The following FAM219A variants were observed in gnomAD, a reference collection of about 807,000 sequenced individuals.
FAM219A encodes family with sequence similarity 219 member A.
A neutral mutation model predicts 23.4 loss-of-function variants in FAM219A; 7 were observed. The observed-to-expected ratio is 0.30, with a 90% CI of 0.17 to 0.56. The LOEUF (loss-of-function observed/expected upper bound fraction) is 0.56, where lower values mean the gene tolerates loss of function less well. FAM219A is among the 20% of genes least tolerant of loss of function. FAM219A has a pLI of 0.92. For synonymous variants in FAM219A, 93 were observed against 99.0 expected (o/e 0.94, Z 0.36); for missense variants, 166 against 246.9 (o/e 0.67, Z 2.20).
intron 1 of FAM219A, among the ~76,000 whole-genome samples, chr9:34,428,694 G>T (rs1485445880): frequency 6.6e-6 from 1 of 152,240 alleles, no homozygotes; most frequent in East Asian, 1.9e-4. Flanking sequence ...GGGCACCTTT[G>T]CCCCTGAGAG....
Position 34,405,982 on chromosome 9 carries a change from TAAG to T in FAM219A, c.61-21_61-19del, listed in dbSNP as rs752391480. On this transcript the variant is annotated intron_variant, in intron 1 of 5. Coordinates refer to ENST00000651358, the MANE Select transcript of FAM219A (RefSeq NM_001184940.2). ...GCTGGGTCCTGTGGGGAGAAAGCAG[TAAG>T]ACAGAGAGTTGTTAGGGAGTGAAGA... 5.2e-5 allele frequency: 83 copies of T among 1,599,448 alleles called. 1 individual carries two copies. Among genetic ancestry groups the T allele is most frequent in the Non-Finnish European group, 5.8e-5 (68 of 1,171,590 alleles).
chr9:34,402,083 G>T (rs1821462205), intron 4 of FAM219A, among the ~76,000 whole-genome samples: 1 of 151,916 alleles, frequency 6.6e-6, no homozygotes, highest in Non-Finnish European at 1.5e-5. Context: ...AGGGGATGGG[G>T]CATTAAGCAT....
At position 34,417,707 on chromosome 9, in the gene FAM219A, T is replaced by C. The variant is rs1235829815; in HGVS notation, c.61-11743A>G. On this transcript the variant is annotated intron_variant, in intron 1 of 5. Coordinates refer to ENST00000651358, the MANE Select transcript of FAM219A (RefSeq NM_001184940.2). This position sits in a 1 kb window ranked among gnomAD's most constrained non-coding sequence, Gnocchi z 4.1. ...TCACTGTGTGCCAGGGAATTTCAGGTCATCACATTTACCCATTATCTTCCA... is the reference window on the plus strand; with the variant it reads ...TCACTGTGTGCCAGGGAATTTCAGGCCATCACATTTACCCATTATCTTCCA... Among the ~76,000 whole-genome samples the C allele has an allele frequency of 6.6e-6, 1 of 152,238 alleles. No individual in the cohort carries two copies. Among genetic ancestry groups the C allele is most frequent in the Non-Finnish European group, 1.5e-5 (1 of 68,036 alleles).
chr9:34,441,349 A>G (rs1823166211), intron 1 of FAM219A, among the ~76,000 whole-genome samples: 1 of 152,244 alleles, frequency 6.6e-6, no homozygotes, highest in Non-Finnish European at 1.5e-5. Context: ...AGTCCTAGGA[A>G]GATTCAGAGA....
chr9:34,427,404 T>G (rs1564008786), intron 1 of FAM219A, among the ~76,000 whole-genome samples: 1 of 152,176 alleles, frequency 6.6e-6, no homozygotes, highest in Non-Finnish European at 1.5e-5. Flanking sequence ...ACACATCACC[T>G]CTTAAAAGAA....
Position 34,405,863 on chromosome 9 carries a change from A to G in FAM219A, c.160+2T>C, listed in dbSNP as rs777384018. 2 of 1,613,498 alleles carry G rather than the reference A, an allele frequency of 1.2e-6. No individual in the cohort carries two copies. The highest frequency in any genetic ancestry group is 1.7e-6 in the Non-Finnish European group (2 of 1,179,664). ...TCTCCCTCACCCCCCAGACACACTC[A>G]CCCAGCTTCACTTGGAGCGGGGATG... On this transcript the variant is annotated splice_donor_variant, in intron 2 of 5. Transcript: ENST00000651358. LOFTEE classifies it high-confidence loss of function.
intron 1 of FAM219A, among the ~76,000 whole-genome samples, chr9:34,451,821 C>T (rs908161330): frequency 1.4e-4 from 21 of 152,194 alleles, no homozygotes; most frequent in African/African-American, 2.4e-4. Context: ...CTGGAAGAAA[C>T]GGTTGGGCTC....
intron 1 of FAM219A, among the ~76,000 whole-genome samples, chr9:34,433,709 T>C (rs1822794605): frequency 6.6e-6 from 1 of 152,206 alleles, no homozygotes; most frequent in Admixed American, 6.5e-5. Flanking sequence ...GTCAGCCCTC[T>C]ATGCAGATGA....
chr9:34,402,261 C>T (rs1307048789), intron 4 of FAM219A, 126 bp downstream of exon 4: 23 of 1,613,498 alleles, frequency 1.4e-5, no homozygotes, highest in Admixed American at 1.0e-4. Flanking sequence ...GAGAATTCAC[C>T]CTTGGAGAGA....
chr9:34,458,349 C>A lies in FAM219A; in HGVS notation c.-86G>T. ...CGGGGCGGCGGCCCCAGGAGCCCGG[C>A]GGGTGGTGCAGACTAGGCCTCCCCG... On this transcript the variant is annotated 5_prime_UTR_variant, in exon 1 of 6. Transcript: ENST00000651358. The surrounding 1 kb of genome is among the most constrained non-coding windows in gnomAD (Gnocchi z 6.6). 1 of 1,057,574 alleles carries A rather than the reference C, an allele frequency of 9.5e-7. No individual in the cohort carries two copies. The allele number at this position is 1,057,574 out of a possible 1,614,324, so 65.5% of individuals were successfully genotyped here.
Position 34,402,821 on chromosome 9 carries a change from T to C in FAM219A, c.161-14A>G, listed in dbSNP as rs374415679. On this transcript the variant is annotated splice_polypyrimidine_tract_variant and intron_variant, in intron 2 of 5. Coordinates refer to ENST00000651358, the MANE Select transcript of FAM219A (RefSeq NM_001184940.2). Reference sequence around the variant, plus strand: ...CCCGCTGCTTCTCTGCAGGAGAACATGGGAAGGAAGCTGTGTCCTGCCCCT... The same window carrying C: ...CCCGCTGCTTCTCTGCAGGAGAACACGGGAAGGAAGCTGTGTCCTGCCCCT... 6 of 1,612,924 alleles carry C rather than the reference T, an allele frequency of 3.7e-6. No homozygotes were observed. The highest frequency in any genetic ancestry group is 3.3e-5 in the South Asian group (3 of 91,000).
intron 1 of FAM219A, among the ~76,000 whole-genome samples, chr9:34,455,857 G>A (rs1483057339): frequency 6.6e-6 from 1 of 152,190 alleles, no homozygotes; most frequent in African/African-American, 2.4e-5. Context: ...AATGAGGGAT[G>A]ACTATATTGC....
intron 1 of FAM219A, among the ~76,000 whole-genome samples, chr9:34,410,382 G>T (rs1361686585): frequency 6.6e-6 from 1 of 152,182 alleles, no homozygotes; most frequent in Non-Finnish European, 1.5e-5. Context: ...AAAAACCAAA[G>T]TGTGGAACCT....
chr9:34,441,878 G>A (rs1030176041), intron 1 of FAM219A, among the ~76,000 whole-genome samples: 1 of 151,958 alleles, frequency 6.6e-6, no homozygotes, highest in Non-Finnish European at 1.5e-5. Context: ...TGCATGCCAC[G>A]ATGCCTAATT....
rs543282807 is a variant in FAM219A, at chr9:34,417,992, G to A, written c.61-12028C>T. Among the ~76,000 whole-genome samples, 22 of 152,328 alleles carry A rather than the reference G, an allele frequency of 1.4e-4. No homozygotes were observed. The highest frequency in any genetic ancestry group is 5.3e-4 in the African/African-American group (22 of 41,578). ...GCATGTCAGCTGTAGGAACCGTGACGGTAATTGCGGAGCCAGAAAGCAAAT... is the reference window on the plus strand; with the variant it reads ...GCATGTCAGCTGTAGGAACCGTGACAGTAATTGCGGAGCCAGAAAGCAAAT... On this transcript the variant is annotated intron_variant, in intron 1 of 5. Coordinates refer to ENST00000651358, the MANE Select transcript of FAM219A (RefSeq NM_001184940.2). The surrounding 1 kb of genome is among the most constrained non-coding windows in gnomAD (Gnocchi z 4.1).
chr9:34,432,228 G>A (rs1024802886), intron 1 of FAM219A, among the ~76,000 whole-genome samples: 18 of 152,074 alleles, frequency 1.2e-4, no homozygotes, highest in African/African-American at 4.1e-4. Context: ...TTCTCCAGGG[G>A]CTCCTTATGT....
At chr9:34,438,603 C>T (rs2131995676) in intron 1 of FAM219A, among the ~76,000 whole-genome samples, 1 of 152,172 alleles carries the variant, frequency 6.6e-6, no homozygotes, top group African/African-American at 2.4e-5. Flanking sequence ...CACTCTGTAT[C>T]TAGCTCAAGG....
chr9:34,402,551 CT>C (rs1472271864), intron 3 of FAM219A, 84 bp from the exon 4 acceptor site: 2 of 1,580,654 alleles, frequency 1.3e-6, no homozygotes. Flanking sequence ...CGTCCCACCA[CT>C]TTCTTCCCTC....
chr9:34,402,588 G>C lies in FAM219A; in HGVS notation c.263+117C>G, dbSNP rs1414979162. 24 of 1,551,510 alleles carry C rather than the reference G, an allele frequency of 1.5e-5. No homozygotes were observed. The East Asian group carries it at 5.2e-4, about 33-fold the overall frequency. ...CCTCCCCACCTTGGATCCTGTTAAGGCTGTCTCCTCTCAGAGAGGAGCTGG... is the reference window on the plus strand; with the variant it reads ...CCTCCCCACCTTGGATCCTGTTAAGCCTGTCTCCTCTCAGAGAGGAGCTGG... On this transcript the variant is annotated intron_variant, in intron 3 of 5. Coordinates refer to ENST00000651358, the MANE Select transcript of FAM219A (RefSeq NM_001184940.2).
Sources: allele counts gnomAD v4.1 joint callset (sites outside exome capture counted in the v4.1 genomes callset), GRCh38; gene constraint gnomAD v4.1.1; non-coding constraint Gnocchi (gnomAD v3.1); transcripts MANE v1.5; gene names NCBI Gene and HGNC (gene_info 2026-07-23, HGNC 2026-07-21).